KIAA2012: variants seen among roughly 807,000 people sequenced by gnomAD.
KIAA2012 encodes the protein uncharacterized protein KIAA2012.
In KIAA2012, 125 loss-of-function variants were observed where a neutral mutation model predicts 150.6. The ratio of observed to expected loss-of-function variants is 0.83; its 90% CI spans 0.72 to 0.96. KIAA2012 has a LOEUF of 0.96. Ranked by LOEUF, KIAA2012 falls within the 40% of genes least tolerant of loss-of-function variation. The probability of loss-of-function intolerance (pLI) is 0.00; values close to 1 mark genes in which losing one functional copy is unlikely to be tolerated. For missense variants in KIAA2012, 1,219 were observed against 1,354.9 expected (o/e 0.90, Z 1.57); for synonymous variants, 462 against 504.7 (o/e 0.92, Z 1.13).
At chr2:202,164,079 C>T (rs1215690663) in intron 14 of KIAA2012, among the ~76,000 whole-genome samples, 1 of 152,078 alleles carries the variant, frequency 6.6e-6, no homozygotes, top group Admixed American at 6.5e-5. Context: ...ACTGTCACTA[C>T]AGAATGAGGG....
intron 12 of KIAA2012, among the ~76,000 whole-genome samples, chr2:202,127,357 G>A (rs1559213610): frequency 6.6e-6 from 1 of 152,202 alleles, no homozygotes. Flanking sequence ...TTTAGTAAAA[G>A]TGTATTTAAT....
rs10166645 is a variant in KIAA2012, at chr2:202,104,606, G to A, written c.1325-1155G>A. ...ATAATTCAGCCAGCTCTGCAGCATA[G>A]GGGCTATCCCTTGCTGTCTGGTACT... On this transcript the variant is annotated intron_variant, in intron 8 of 23. Transcript: ENST00000498697. The surrounding 1 kb of genome is among the most constrained non-coding windows in gnomAD (Gnocchi z 4.3). Among the ~76,000 whole-genome samples, 1,170 of 152,344 alleles carry A rather than the reference G, an allele frequency of 7.7e-3. 12 individuals carry two copies. Among genetic ancestry groups the A allele is most frequent in the African/African-American group, 0.026 (1,081 of 41,570 alleles).
intron 13 of KIAA2012, among the ~76,000 whole-genome samples, chr2:202,142,909 ATAGTCT>A (rs1474420108): frequency 6.6e-6 from 1 of 151,166 alleles, no homozygotes; most frequent in Non-Finnish European, 1.5e-5. Flanking sequence ...TTTGGACCAG[ATAGTCT>A]TTGTTGTGGG....
intron 14 of KIAA2012, among the ~76,000 whole-genome samples, chr2:202,163,823 A>G (rs913771245): frequency 6.5e-5 from 9 of 137,454 alleles, no homozygotes; most frequent in African/African-American, 2.5e-4. Context: ...TACCAGGCCA[A>G]ATTGACTTTG....
chr2:202,200,757 A>C (rs1238344393), intron 22 of KIAA2012, among the ~76,000 whole-genome samples: 2 of 125,284 alleles, frequency 1.6e-5, no homozygotes, highest in East Asian at 4.7e-4. Flanking sequence ...CCCAGGCTGG[A>C]GTGCAATGGT....
At chr2:202,191,051 G>A (rs1171208406) in intron 19 of KIAA2012, among the ~76,000 whole-genome samples, 7 of 152,130 alleles carry the variant, frequency 4.6e-5, no homozygotes, top group African/African-American at 1.7e-4. Context: ...AGCTGAGGAG[G>A]GTGGATCATG....
At chr2:202,158,642 G>A (rs886099985) in intron 14 of KIAA2012, among the ~76,000 whole-genome samples, 21 of 152,126 alleles carry the variant, frequency 1.4e-4, no homozygotes, top group African/African-American at 4.6e-4. Flanking sequence ...GATTACTAGC[G>A]TGAGCCACTG....
intron 11 of KIAA2012, chr2:202,114,885 A>G (rs1445102825): frequency 1.2e-5 from 2 of 160,118 alleles, no homozygotes; most frequent in African/African-American, 4.9e-5. Context: ...CATTCACTGC[A>G]TGCTTATTGA....
At chr2:202,195,928 A>G (rs548460507) in intron 21 of KIAA2012, among the ~76,000 whole-genome samples, 16 of 152,268 alleles carry the variant, frequency 1.1e-4, no homozygotes, top group Admixed American at 9.2e-4. Flanking sequence ...CCACTCATCT[A>G]TTGATGGACA....
rs891608185 is a variant in KIAA2012 at position 202,190,314 on chromosome 2, A to G, written c.2632A>G (p.Thr878Ala). ...PDVSYEETED[T>A]SNRGSFASDS... ...TGTCAGCTATGAGGAAACAGAAGAC[A>G]CCTCAAATAGAGGTTCCTTTGCCTC... The change falls in exon 19 of 24, where the codon ACC becomes GCC. Residue 878 changes from threonine to alanine, a missense_variant. Transcript: ENST00000498697. 10 of 1,550,574 alleles carry G rather than the reference A, an allele frequency of 6.4e-6. No individual in the cohort carries two copies. Among genetic ancestry groups the G allele is most frequent in the Non-Finnish European group, 8.7e-6 (10 of 1,147,010 alleles).
intron 13 of KIAA2012, among the ~76,000 whole-genome samples, chr2:202,142,583 G>A (rs956489713): frequency 2.6e-5 from 4 of 152,202 alleles, no homozygotes; most frequent in African/African-American, 9.7e-5. Flanking sequence ...TGCAAAGGCA[G>A]TCTGGTTCAC....
rs536389349 is a variant in KIAA2012, at chr2:202,166,019, C to T, written c.2119+663C>T. 6.6e-5 allele frequency among the ~76,000 whole-genome samples: 10 copies of T among 152,318 alleles called. No homozygotes were observed. In the East Asian group the frequency reaches 1.5e-3, roughly 24 times the overall value. On this transcript the variant is annotated intron_variant, in intron 15 of 23. Coordinates refer to ENST00000498697, the MANE Select transcript of KIAA2012 (RefSeq NM_001277372.4). The stretch of plus-strand genomic sequence containing the variant: ...GGGAAACATGCTCCAGTCTTCAGGT[C>T]TGCCATATCATAAATCACACATGCA...
intron 13 of KIAA2012, 133 bp downstream of exon 13, chr2:202,138,641 C>G: frequency 1.6e-6 from 1 of 606,754 alleles, no homozygotes; most frequent in Admixed American, 3.1e-5. Context: ...TAAAATGAGA[C>G]AAGTAGACTA....
At chr2:202,111,536 A>AG in intron 10 of KIAA2012, among the ~76,000 whole-genome samples, 1 of 139,642 alleles carries the variant, frequency 7.2e-6, no homozygotes, top group Non-Finnish European at 1.6e-5. Context: ...AAAAAAAAAA[A>AG]GGATAGAATG....
chr2:202,165,063 C>G (rs1024027694), intron 14 of KIAA2012, among the ~76,000 whole-genome samples: 1 of 152,008 alleles, frequency 6.6e-6, no homozygotes, highest in Non-Finnish European at 1.5e-5. Flanking sequence ...GCTGAGACTA[C>G]AGGTGCATAT....
intron 15 of KIAA2012, among the ~76,000 whole-genome samples, chr2:202,172,329 A>G (rs1248755219): frequency 6.6e-6 from 1 of 152,258 alleles, no homozygotes; most frequent in Non-Finnish European, 1.5e-5. Flanking sequence ...CCAGGTTTCT[A>G]TGACTCCATG....
intron 5 of KIAA2012, 64 bp from the exon 6 acceptor site, chr2:202,099,549 A>C (rs1559203325): frequency 7.3e-7 from 1 of 1,370,850 alleles, no homozygotes; most frequent in Non-Finnish European, 9.8e-7. Context: ...AGGGCTGTTA[A>C]AGAAACCTGC....
chr2:202,198,174 C>CAAAAAAAA (rs1009971980), intron 22 of KIAA2012, among the ~76,000 whole-genome samples: 15 of 67,128 alleles, frequency 2.2e-4, no homozygotes, highest in Non-Finnish European at 3.7e-4. Flanking sequence ...GGCTCTTTCT[C>CAAAAAAAA]AAAAAAAAAA....
intron 5 of KIAA2012, 77 bp from the exon 6 acceptor site, chr2:202,099,536 A>G: frequency 3.3e-6 from 4 of 1,216,450 alleles, no homozygotes; most frequent in Non-Finnish European, 4.5e-6. Flanking sequence ...AAGCCTAGCC[A>G]CAAGGGCTGT....
Sources: gnomAD v4.1 joint callset for allele counts (sites outside exome capture counted in the v4.1 genomes callset) on GRCh38, gnomAD v4.1.1 for gene constraint, Gnocchi (gnomAD v3.1) non-coding constraint, MANE v1.5 for transcripts, NCBI Gene and HGNC (gene_info 2026-07-23, HGNC 2026-07-21) for gene names.